SV2C: variants seen among roughly 807,000 people sequenced by gnomAD.
SV2C encodes the protein synaptic vesicle glycoprotein 2C.
A neutral mutation model predicts 79.7 loss-of-function variants in SV2C; 49 were observed. The observed-to-expected ratio is 0.61, with a 90% confidence interval of 0.49 to 0.78. SV2C has a LOEUF of 0.78. Ranked by LOEUF, SV2C falls within the 30% of genes least tolerant of loss-of-function variation. The pLI is 0.00. For missense variants in SV2C, 833 were observed against 912.9 expected (o/e 0.91, Z 1.13); for synonymous variants, 334 against 333.2 (o/e 1.00, Z -0.03).
At chr5:76,173,426 T>G (rs1454296262) in intron 2 of SV2C, among the ~76,000 whole-genome samples, 3 of 152,232 alleles carry the variant, frequency 2.0e-5, no homozygotes, top group Non-Finnish European at 4.4e-5. Flanking sequence ...GACTATTATA[T>G]AAGTAAAAAT....
the SV2C span, among the ~76,000 whole-genome samples, chr5:75,888,774 G>T: frequency 0.16 from 24,242 of 152,008 alleles, 2,867 homozygotes; most frequent in African/African-American, 0.33. Context: ...GTAAATGCCA[G>T]GGGGGTGGCC....
chr5:76,058,876 C>T, the SV2C span, among the ~76,000 whole-genome samples: 6 of 152,020 alleles, frequency 3.9e-5, no homozygotes, highest in African/African-American at 1.2e-4. Context: ...TATGATCTTT[C>T]GCATTTATTC....
At chr5:76,139,071 A>C (rs985559370) in intron 2 of SV2C, among the ~76,000 whole-genome samples, 1 of 151,918 alleles carries the variant, frequency 6.6e-6, no homozygotes, top group African/African-American at 2.4e-5. Context: ...GTGAGCTGAG[A>C]TTGTGCCACT....
At chr5:75,878,488 G>A in the SV2C span, among the ~76,000 whole-genome samples, 2 of 152,072 alleles carry the variant, frequency 1.3e-5, no homozygotes, top group African/African-American at 4.8e-5. Flanking sequence ...CTAATGGTAG[G>A]AATAATTGGC....
chr5:76,181,156 A>T (rs1427186475), intron 2 of SV2C, among the ~76,000 whole-genome samples: 6 of 152,192 alleles, frequency 3.9e-5, no homozygotes, highest in Non-Finnish European at 8.8e-5. Context: ...CCTCTAAAGC[A>T]GGAGTCCATA....
chr5:76,175,897 C>T (rs1478596755), intron 2 of SV2C, among the ~76,000 whole-genome samples: 6 of 152,092 alleles, frequency 3.9e-5, no homozygotes, highest in Non-Finnish European at 8.8e-5. Context: ...GCCCCCACTG[C>T]ACTCTGTCAG....
the SV2C span, among the ~76,000 whole-genome samples, chr5:75,953,084 C>A: frequency 6.6e-6 from 1 of 151,964 alleles, no homozygotes; most frequent in African/African-American, 2.4e-5. Flanking sequence ...TAGCATCTGG[C>A]GAGGGCCTCA....
chr5:75,951,504 G>C, the SV2C span, among the ~76,000 whole-genome samples: 1 of 151,978 alleles, frequency 6.6e-6, no homozygotes. Flanking sequence ...CTCAAGGTTG[G>C]AGAGCCTTTC....
intron 2 of SV2C, among the ~76,000 whole-genome samples, chr5:76,186,224 G>T (rs377011066): frequency 2.6e-5 from 4 of 152,140 alleles, no homozygotes; most frequent in Admixed American, 6.5e-5. Context: ...ACATCTTCCT[G>T]TCTTCTTCTG....
At chr5:75,901,543 A>G in the SV2C span, among the ~76,000 whole-genome samples, 1 of 152,118 alleles carries the variant, frequency 6.6e-6, no homozygotes, top group African/African-American at 2.4e-5. Context: ...GGGGTCAGGG[A>G]CCCACTTGAG....
At chr5:76,280,596 C>G (rs935959967) in intron 4 of SV2C, among the ~76,000 whole-genome samples, 1 of 152,174 alleles carries the variant, frequency 6.6e-6, no homozygotes, top group Non-Finnish European at 1.5e-5. Context: ...GCCCGGCGTC[C>G]TTGGAGAGGC....
intron 4 of SV2C, chr5:76,281,002 C>T (rs1378028890): frequency 1.9e-5 from 10 of 539,402 alleles, no homozygotes; most frequent in Non-Finnish European, 3.8e-5. Context: ...CACAGGGAGG[C>T]AGAAATGAGA....
intron 2 of SV2C, among the ~76,000 whole-genome samples, chr5:76,171,885 T>TG (rs1288151780): frequency 5.3e-3 from 256 of 48,070 alleles, no homozygotes; most frequent in Middle Eastern, 0.024. Context: ...GGGAGGGAGA[T>TG]GGGGGGGTCA....
At chr5:76,121,306 C>T (rs972996376) in intron 1 of SV2C, among the ~76,000 whole-genome samples, 1 of 152,106 alleles carries the variant, frequency 6.6e-6, no homozygotes, top group African/African-American at 2.4e-5. Context: ...AATTTTCTCC[C>T]ATCCCATAGG....
chr5:76,030,289 T>TTTTTTTTTTTTTTTTTTTTTTTTATTTA, the SV2C span, among the ~76,000 whole-genome samples: 2 of 117,874 alleles, frequency 1.7e-5, no homozygotes, highest in African/African-American at 7.8e-5. Context: ...TTTTTTTTTT[T>TTTTTTTTTTTTTTTTTTTTTTTTATTTA]TTTATTTATT....
the SV2C span, among the ~76,000 whole-genome samples, chr5:76,006,617 C>T: frequency 6.6e-6 from 1 of 152,104 alleles, no homozygotes; most frequent in East Asian, 1.9e-4. Flanking sequence ...TCATCTCCTG[C>T]CTGCTTTCTC....
the SV2C span, among the ~76,000 whole-genome samples, chr5:75,953,993 A>G: frequency 6.6e-6 from 1 of 152,080 alleles, no homozygotes; most frequent in South Asian, 2.1e-4. Context: ...AAAGTAATTC[A>G]AAGGAGTAGA....
chr5:76,097,412 T>C (rs1036423052), intron 1 of SV2C, among the ~76,000 whole-genome samples: 2 of 152,186 alleles, frequency 1.3e-5, no homozygotes, highest in Non-Finnish European at 2.9e-5. Flanking sequence ...ACAAACCTAT[T>C]TGTGACATTA....
the SV2C span, among the ~76,000 whole-genome samples, chr5:75,997,761 A>T: frequency 6.6e-6 from 1 of 152,194 alleles, no homozygotes; most frequent in South Asian, 2.1e-4. Context: ...AACTAGTTCA[A>T]CCATTGTGGA....
Sources: gnomAD v4.1 joint callset for allele counts (sites outside exome capture counted in the v4.1 genomes callset) on GRCh38, gnomAD v4.1.1 for gene constraint, MANE v1.5 for transcripts, NCBI Gene and HGNC (gene_info 2026-07-23, HGNC 2026-07-21) for gene names.